The following STK39 variants were observed in gnomAD, a reference collection of about 807,000 sequenced individuals.
STK39 encodes serine/threonine kinase 39.
STK39 carries 20 observed loss-of-function variants against 77.8 expected under a neutral mutation model. That is an observed-to-expected ratio of 0.26 (90% confidence interval 0.18 to 0.37). The LOEUF is 0.37. STK39 is among the 10% of genes least tolerant of loss of function. STK39 has a pLI of 1.00. For synonymous variants in STK39, 246 were observed against 234.1 expected (o/e 1.05, Z -0.47); for missense variants, 479 against 656.5 (o/e 0.73, Z 2.95).
At chr2:167,976,130 C>CAGTAT (rs1275811986) in intron 16 of STK39, among the ~76,000 whole-genome samples, 1 of 152,180 alleles carries the variant, frequency 6.6e-6, no homozygotes, top group African/African-American at 2.4e-5. Context: ...GGGAAGGACA[C>CAGTAT]AGTATAGTCA....
chr2:168,131,562 C>G (rs1393073878), intron 8 of STK39, among the ~76,000 whole-genome samples: 1 of 152,126 alleles, frequency 6.6e-6, no homozygotes, highest in Non-Finnish European at 1.5e-5. Context: ...ACAGGGGCCC[C>G]AGAAACTATT....
intron 1 of STK39, among the ~76,000 whole-genome samples, chr2:168,240,033 T>C (rs964192981): frequency 6.6e-6 from 1 of 152,212 alleles, no homozygotes; most frequent in Non-Finnish European, 1.5e-5. Flanking sequence ...ATATTATACT[T>C]CAATAAGGGC....
At chr2:168,013,241 T>C (rs548574409) in intron 15 of STK39, among the ~76,000 whole-genome samples, 1 of 152,344 alleles carries the variant, frequency 6.6e-6, no homozygotes, top group African/African-American at 2.4e-5. Context: ...GATCATTTGA[T>C]AGCAACAGAT....
chr2:168,209,807 T>C (rs1352007782), intron 1 of STK39, among the ~76,000 whole-genome samples: 1 of 152,182 alleles, frequency 6.6e-6, no homozygotes, highest in Admixed American at 6.5e-5. Flanking sequence ...GAGACCAGCC[T>C]GGCCAACATG....
At chr2:168,243,758 A>T (rs954968411) in intron 1 of STK39, among the ~76,000 whole-genome samples, 5 of 152,226 alleles carry the variant, frequency 3.3e-5, no homozygotes, top group Non-Finnish European at 5.9e-5. Flanking sequence ...ATGGCCAAGT[A>T]AACACTTATA....
chr2:168,084,230 A>G (rs1428689228), intron 10 of STK39, among the ~76,000 whole-genome samples: 2 of 152,212 alleles, frequency 1.3e-5, no homozygotes, highest in Non-Finnish European at 2.9e-5. Context: ...AAAGCAGAGC[A>G]GAGGATGTGC....
chr2:168,038,180 T>A (rs772695288), intron 14 of STK39, among the ~76,000 whole-genome samples: 17 of 151,992 alleles, frequency 1.1e-4, no homozygotes, highest in Non-Finnish European at 2.5e-4. Context: ...GAGAAAGTGC[T>A]TGGAAGAAAG....
At chr2:168,160,401 C>T (rs1448285099) in intron 5 of STK39, among the ~76,000 whole-genome samples, 1 of 152,122 alleles carries the variant, frequency 6.6e-6, no homozygotes, top group African/African-American at 2.4e-5. Context: ...CACATGATCT[C>T]CAGTCAGTGC....
chr2:168,244,526 A>G (rs904203664), intron 1 of STK39, among the ~76,000 whole-genome samples: 2 of 152,232 alleles, frequency 1.3e-5, no homozygotes, highest in Admixed American at 1.3e-4. Flanking sequence ...AAAGGCTGTC[A>G]ACTGGCATTC....
intron 1 of STK39, among the ~76,000 whole-genome samples, chr2:168,208,129 C>T (rs759452872): frequency 4.6e-5 from 7 of 152,108 alleles, no homozygotes; most frequent in Non-Finnish European, 8.8e-5. Flanking sequence ...TGAGAAAAAA[C>T]GTAATAGAAA....
At chr2:167,956,332 G>A (rs962137783) in intron 17 of STK39, among the ~76,000 whole-genome samples, 1 of 152,178 alleles carries the variant, frequency 6.6e-6, no homozygotes, top group East Asian at 1.9e-4. Context: ...GCCGAGGCAG[G>A]TGGATCATGA....
In STK39 at chr2:168,051,456, G is replaced by C. The variant is rs74411529; in HGVS notation, c.1376+12044C>G. On this transcript the variant is annotated intron_variant, in intron 14 of 17. Coordinates refer to ENST00000355999, the MANE Select transcript of STK39 (RefSeq NM_013233.3). ...AGACATTTTCTCTTCACGCCTATCT[G>C]TGTAATGACATTAAAAGGCTCATGA... Among the ~76,000 whole-genome samples the C allele has an allele frequency of 3.5e-3, 538 of 152,314 alleles. 6 individuals are homozygous for C. The highest frequency in any genetic ancestry group is 0.012 in the African/African-American group (513 of 41,570).
chr2:168,168,531 C>T (rs748758749), intron 2 of STK39, among the ~76,000 whole-genome samples: 2 of 152,162 alleles, frequency 1.3e-5, no homozygotes, highest in Non-Finnish European at 2.9e-5. Flanking sequence ...ATGAGCTTCA[C>T]ATTAACTCAA....
At chr2:168,147,311 G>A (rs1476417801) in intron 5 of STK39, among the ~76,000 whole-genome samples, 5 of 152,070 alleles carry the variant, frequency 3.3e-5, no homozygotes, top group African/African-American at 7.2e-5. Context: ...CTAAACACCC[G>A]GGAACATTTT....
intron 14 of STK39, among the ~76,000 whole-genome samples, chr2:168,047,092 G>A (rs1217870333): frequency 2.0e-5 from 3 of 152,156 alleles, no homozygotes; most frequent in Admixed American, 6.5e-5. Context: ...TATTTTTTAA[G>A]TTCCCCATTT....
intron 10 of STK39, among the ~76,000 whole-genome samples, chr2:168,104,136 T>C (rs953980434): frequency 3.3e-5 from 5 of 152,266 alleles, no homozygotes; most frequent in Admixed American, 1.3e-4. Flanking sequence ...TATATGTACA[T>C]ACATTCATAA....
chr2:168,027,382 C>A (rs868418324), intron 14 of STK39, among the ~76,000 whole-genome samples: 7 of 152,256 alleles, frequency 4.6e-5, no homozygotes, highest in Middle Eastern at 6.8e-3. Context: ...GTGAAAATTC[C>A]TTTCAGCGTG....
chr2:168,213,129 A>G (rs1275825779), intron 1 of STK39, among the ~76,000 whole-genome samples: 2 of 152,248 alleles, frequency 1.3e-5, no homozygotes, highest in Non-Finnish European at 2.9e-5. Context: ...AAGAAGAGAT[A>G]AGGAAACCCA....
intron 10 of STK39, among the ~76,000 whole-genome samples, chr2:168,111,844 G>A (rs997684073): frequency 5.9e-5 from 9 of 152,024 alleles, no homozygotes; most frequent in African/African-American, 1.7e-4. Flanking sequence ...AAAAAAACCT[G>A]CCCACCCTCC....
Sources: allele counts gnomAD v4.1 joint callset (sites outside exome capture counted in the v4.1 genomes callset), GRCh38; gene constraint gnomAD v4.1.1; transcripts MANE v1.5; gene names NCBI Gene and HGNC (gene_info 2026-07-23, HGNC 2026-07-21).